Variants in PRR5 observed in about 807,000 individuals in gnomAD.
PRR5 encodes proline rich 5, also known as proline-rich protein 5.
PRR5 carries 25 observed loss-of-function variants against 30.6 expected under a neutral mutation model. The observed-to-expected ratio is 0.82, with a 90% CI of 0.60 to 1.14. PRR5 has a LOEUF of 1.14. Among genes scored for constraint, PRR5 ranks in the 50% most tolerant of loss-of-function variants. The pLI is 0.00. For missense variants in PRR5, 600 were observed against 547.1 expected, an observed-to-expected ratio of 1.10 and a Z score of -0.96; for synonymous variants, 286 against 247.1, an observed-to-expected ratio of 1.16 and a Z score of -1.48.
chr22:44,735,311 A>G lies in PRR5; in HGVS notation c.691+149A>G, dbSNP rs181044078. On this transcript the variant is annotated intron_variant, in intron 7 of 7. Coordinates refer to ENST00000336985, the MANE Select transcript of PRR5 (RefSeq NM_181333.4). ...CGGGCAGCAGCCCCCAGCCTGCCAT[A>G]TGCTGGCCTGGACGTGGGGATCCGT... is the stretch of plus-strand genomic sequence containing the variant. 306 of 1,242,764 alleles carry G rather than the reference A, an allele frequency of 2.5e-4. 1 individual carries two copies. The East Asian group carries it at 5.8e-3, about 24-fold the overall frequency. 77.0% of individuals were successfully genotyped at this position (1,242,764 alleles called of 1,614,324 possible). A position where few individuals can be genotyped will look rare whatever the true frequency, so the allele number is the denominator to read the frequency against.
In PRR5 at chr22:44,735,125, C is replaced by T. The variant is rs1305053439; in HGVS notation, c.654C>T (p.His218=). ...VSPYLGTYGL[H]SSEGPFTHSC... is the part of the protein sequence containing the mutation. The stretch of plus-strand genomic sequence containing the variant: ...CATACCTGGGCACCTACGGCCTCCA[C>T]TCCAGCGAGGGGCCCTTCACCCATT... Residue 218 remains histidine, a synonymous_variant, in exon 7 of 8, where the codon CAC becomes CAT. Coordinates refer to ENST00000336985, the MANE Select transcript of PRR5 (RefSeq NM_181333.4). 9.9e-6 allele frequency: 16 copies of T among 1,613,066 alleles called. No individual in the cohort carries two copies. The highest frequency in any genetic ancestry group is 1.7e-5 in the Admixed American group (1 of 59,996).
At chr22:44,686,753 A>T (rs1924787812) in intron 1 of PRR5, among the ~76,000 whole-genome samples, 1 of 152,198 alleles carries the variant, frequency 6.6e-6, no homozygotes, top group African/African-American at 2.4e-5. Flanking sequence ...TGACTTCATG[A>T]TCCGCCTGCC....
chr22:44,697,057 G>T (rs1925820734), intron 1 of PRR5, among the ~76,000 whole-genome samples: 1 of 152,164 alleles, frequency 6.6e-6, no homozygotes. Context: ...CATATCAGAT[G>T]GCAGAGCTAG....
At chr22:44,731,605 C>A in intron 4 of PRR5, 125 bp from the exon 5 acceptor site, 1 of 866,604 alleles carries the variant, frequency 1.2e-6, no homozygotes, top group Non-Finnish European at 1.9e-6. Flanking sequence ...CGACCTTGGG[C>A]AGGTGCTGCC....
chr22:44,731,634 C>G, intron 4 of PRR5, 96 bp from the exon 5 acceptor site: 1 of 1,266,842 alleles, frequency 7.9e-7, no homozygotes, highest in South Asian at 1.2e-5. Context: ...GAGCCCAGGC[C>G]CTCCACTCCC....
At chr22:44,706,572 C>T (rs550214197) in intron 1 of PRR5, among the ~76,000 whole-genome samples, 4 of 152,280 alleles carry the variant, frequency 2.6e-5, no homozygotes, top group East Asian at 1.9e-4. Flanking sequence ...CTCTGTCACC[C>T]GGGCTGGAGT....
intron 2 of PRR5, among the ~76,000 whole-genome samples, chr22:44,720,832 T>C (rs958962340): frequency 2.0e-5 from 3 of 152,114 alleles, no homozygotes; most frequent in Non-Finnish European, 2.9e-5. Context: ...TCATTCATTG[T>C]GAGCTGTTGG....
At chr22:44,682,160 A>G (rs1334736673) in intron 1 of PRR5, among the ~76,000 whole-genome samples, 3 of 152,194 alleles carry the variant, frequency 2.0e-5, no homozygotes, top group Admixed American at 1.3e-4. Context: ...GCTAGGGTCA[A>G]GGTTAGCCAC....
intron 1 of PRR5, among the ~76,000 whole-genome samples, chr22:44,670,345 G>A (rs1254381912): frequency 6.6e-6 from 1 of 152,202 alleles, no homozygotes; most frequent in Non-Finnish European, 1.5e-5. Flanking sequence ...CGTGGGGCGG[G>A]GATTGCTGTG....
chr22:44,680,613 A>G (rs1924187893), intron 1 of PRR5, among the ~76,000 whole-genome samples: 1 of 152,102 alleles, frequency 6.6e-6, no homozygotes, highest in African/African-American at 2.4e-5. Flanking sequence ...CGACTTTCCC[A>G]TGGAAGCTGC....
intron 4 of PRR5, chr22:44,730,862 T>C: frequency 2.2e-6 from 1 of 448,830 alleles, no homozygotes; most frequent in Non-Finnish European, 4.5e-6. Flanking sequence ...GCTCAGCCTC[T>C]GTCTGCTTGG....
intron 1 of PRR5, among the ~76,000 whole-genome samples, chr22:44,690,880 C>T (rs1290418386): frequency 4.6e-5 from 7 of 151,976 alleles, no homozygotes; most frequent in South Asian, 4.2e-4. Flanking sequence ...CAGGGCGTGG[C>T]GGGAGACGAA....
upstream of PRR5, among the ~76,000 whole-genome samples, chr22:44,701,039 C>A (rs760429538): frequency 6.7e-6 from 1 of 148,580 alleles, no homozygotes; most frequent in Admixed American, 6.9e-5. Context: ...TGCACCACCA[C>A]GCCCAGCTAA....
chr22:44,699,524 G>C (rs904392291), upstream of PRR5, among the ~76,000 whole-genome samples: 14 of 152,188 alleles, frequency 9.2e-5, no homozygotes, highest in African/African-American at 3.4e-4. Flanking sequence ...ATTTTCACCA[G>C]TGGGGTCCAA....
At chr22:44,701,164 G>T (rs2146998231), upstream of PRR5, among the ~76,000 whole-genome samples, 1 of 152,334 alleles carries the variant, frequency 6.6e-6, no homozygotes, top group East Asian at 1.9e-4. Context: ...TTACAGGCAT[G>T]AGCCATCACC....
chr22:44,669,752 G>A (rs1923314807), intron 1 of PRR5, among the ~76,000 whole-genome samples: 1 of 152,148 alleles, frequency 6.6e-6, no homozygotes, highest in Non-Finnish European at 1.5e-5. Context: ...GGGTGGGAGT[G>A]ACATCTGTGG....
At chr22:44,731,005 G>A in intron 4 of PRR5, 1 of 390,706 alleles carries the variant, frequency 2.6e-6, no homozygotes, top group South Asian at 2.1e-5. Flanking sequence ...CCAGCACACA[G>A]TAGGTGTTCT....
At chr22:44,689,570 T>C (rs1247334383) in intron 1 of PRR5, among the ~76,000 whole-genome samples, 2 of 152,216 alleles carry the variant, frequency 1.3e-5, no homozygotes, top group South Asian at 2.1e-4. Flanking sequence ...GACCATTGGA[T>C]TGCGCACCAT....
At chr22:44,709,285 A>G (rs1462294165) in intron 1 of PRR5, among the ~76,000 whole-genome samples, 1 of 152,058 alleles carries the variant, frequency 6.6e-6, no homozygotes. Flanking sequence ...AGAACCTGTG[A>G]CTCTGAGGCT....
Sources: gnomAD v4.1 joint callset for allele counts (sites outside exome capture counted in the v4.1 genomes callset) on GRCh38, gnomAD v4.1.1 for gene constraint, MANE v1.5 for transcripts, NCBI Gene and HGNC (gene_info 2026-07-23, HGNC 2026-07-21) for gene names.